ADARB2: variants seen among roughly 807,000 people sequenced by gnomAD.
ADARB2 encodes adenosine deaminase RNA specific B2 (inactive).
Under a neutral mutation model 62.2 loss-of-function variants are expected in ADARB2, and 25 were observed. The ratio of observed to expected loss-of-function variants is 0.40; its 90% CI spans 0.29 to 0.56. The LOEUF is 0.56. Among genes scored for constraint, ADARB2 ranks in the 20% least tolerant of loss-of-function variants. The pLI, the probability that ADARB2 is intolerant of heterozygous loss-of-function variation, is 0.43. For synonymous variants in ADARB2, 572 were observed against 500.8 expected, an observed-to-expected ratio of 1.14 and a Z score of -1.90; for missense variants, 1,071 against 1,077.4, an observed-to-expected ratio of 0.99 and a Z score of 0.08.
chr10:1,688,857 A>G (rs1834632954), intron 1 of ADARB2, among the ~76,000 whole-genome samples: 1 of 152,216 alleles, frequency 6.6e-6, no homozygotes, highest in South Asian at 2.1e-4. Flanking sequence ...AAGCTGAGAG[A>G]CAGAGAGCTC....
intron 1 of ADARB2, among the ~76,000 whole-genome samples, chr10:1,669,935 AAC>A (rs1227954162): frequency 1.3e-5 from 2 of 150,996 alleles, no homozygotes; most frequent in Non-Finnish European, 3.0e-5. Context: ...CACAGACACA[AAC>A]ACACACAGAC....
intron 1 of ADARB2, among the ~76,000 whole-genome samples, chr10:1,585,882 A>C (rs1833170628): frequency 6.6e-6 from 1 of 152,078 alleles, no homozygotes; most frequent in Admixed American, 6.5e-5. Flanking sequence ...AAAATACAAA[A>C]AACTGGCTGG....
intron 1 of ADARB2, among the ~76,000 whole-genome samples, chr10:1,698,823 T>G (rs966653363): frequency 2.0e-5 from 3 of 152,198 alleles, no homozygotes; most frequent in African/African-American, 7.2e-5. Flanking sequence ...GCAATGGCAT[T>G]ATCTTGGGTC....
chr10:1,579,178 G>A (rs1231700188), intron 1 of ADARB2, among the ~76,000 whole-genome samples: 1 of 152,146 alleles, frequency 6.6e-6, no homozygotes, highest in Non-Finnish European at 1.5e-5. Flanking sequence ...GATGCTCAGC[G>A]GTCACAGACC....
At chr10:1,387,041 G>T (rs1832531159) in intron 1 of ADARB2, among the ~76,000 whole-genome samples, 1 of 151,774 alleles carries the variant, frequency 6.6e-6, no homozygotes, top group South Asian at 2.1e-4. Flanking sequence ...AGAAATCACA[G>T]GAAAATTAAA....
chr10:1,505,868 TGTGA>T (rs1460791322), intron 1 of ADARB2, among the ~76,000 whole-genome samples: 4 of 152,226 alleles, frequency 2.6e-5, no homozygotes, highest in Non-Finnish European at 4.4e-5. Context: ...TCTATTTCTG[TGTGA>T]GTGAGTGCAT....
intron 1 of ADARB2, among the ~76,000 whole-genome samples, chr10:1,649,669 G>A (rs775330189): frequency 1.3e-5 from 2 of 152,318 alleles, no homozygotes; most frequent in African/African-American, 4.8e-5. Context: ...TGCTCCAGTC[G>A]GTGGGATATG....
chr10:1,705,244 G>A (rs967472741), intron 1 of ADARB2, among the ~76,000 whole-genome samples: 1 of 152,220 alleles, frequency 6.6e-6, no homozygotes, highest in Non-Finnish European at 1.5e-5. Flanking sequence ...AGGCGGCTGT[G>A]CTTGGCAGGG....
At chr10:1,476,921 A>G (rs1191852350) in intron 1 of ADARB2, among the ~76,000 whole-genome samples, 1 of 152,184 alleles carries the variant, frequency 6.6e-6, no homozygotes, top group East Asian at 1.9e-4. Flanking sequence ...CATGCTCGGG[A>G]ACACTCCTGG....
intron 1 of ADARB2, among the ~76,000 whole-genome samples, chr10:1,626,402 T>C (rs1366915908): frequency 6.6e-6 from 1 of 151,076 alleles, no homozygotes; most frequent in African/African-American, 2.4e-5. Flanking sequence ...CTCTCCTGCA[T>C]GGACACAGGC....
At chr10:1,503,562 C>A (rs1186483314) in intron 1 of ADARB2, among the ~76,000 whole-genome samples, 1 of 152,044 alleles carries the variant, frequency 6.6e-6, no homozygotes, top group South Asian at 2.1e-4. Context: ...CGATATAGAT[C>A]TTGGTCAGCA....
At chr10:1,279,877 C>T (rs1461030900) in intron 3 of ADARB2, among the ~76,000 whole-genome samples, 1 of 152,154 alleles carries the variant, frequency 6.6e-6, no homozygotes, top group Non-Finnish European at 1.5e-5. Flanking sequence ...GGGCAAATTG[C>T]ACCCCGAGTC....
chr10:1,355,112 T>C (rs1006697241), intron 3 of ADARB2, among the ~76,000 whole-genome samples: 5 of 151,728 alleles, frequency 3.3e-5, no homozygotes, highest in South Asian at 2.1e-4. Flanking sequence ...GCTGCCCACC[T>C]CCTCCCACAC....
At chr10:1,492,973 G>A (rs915340316) in intron 1 of ADARB2, among the ~76,000 whole-genome samples, 25 of 152,202 alleles carry the variant, frequency 1.6e-4, no homozygotes, top group African/African-American at 5.6e-4. Flanking sequence ...AAGGCCACAC[G>A]AAATGCTCCC....
At chr10:1,374,816 T>A (rs1269209868) in intron 2 of ADARB2, among the ~76,000 whole-genome samples, 1 of 152,254 alleles carries the variant, frequency 6.6e-6, no homozygotes, top group Non-Finnish European at 1.5e-5. Flanking sequence ...CGCGCCACGC[T>A]ACATTGGAAG....
intron 3 of ADARB2, among the ~76,000 whole-genome samples, chr10:1,310,382 C>T (rs1013854327): frequency 4.2e-5 from 6 of 142,850 alleles, no homozygotes; most frequent in Non-Finnish European, 9.3e-5. Context: ...TTCATTGACT[C>T]TGAATAACAT....
intron 2 of ADARB2, among the ~76,000 whole-genome samples, chr10:1,377,922 T>A (rs879918342): frequency 6.6e-6 from 1 of 152,146 alleles, no homozygotes; most frequent in Admixed American, 6.5e-5. Context: ...CCCACGCTGA[T>A]GGCAAAGTAC....
intron 1 of ADARB2, among the ~76,000 whole-genome samples, chr10:1,465,801 T>A (rs1435629995): frequency 6.6e-6 from 1 of 151,824 alleles, no homozygotes; most frequent in East Asian, 1.9e-4. Context: ...GCCCGAAGAG[T>A]GGTGTGGGGC....
chr10:1,418,124 G>T (rs190857580), intron 1 of ADARB2, among the ~76,000 whole-genome samples: 1 of 152,202 alleles, frequency 6.6e-6, no homozygotes. Flanking sequence ...GTGGAGGGAC[G>T]TTTCCGTAAA....
Sources: gnomAD v4.1 joint callset for allele counts (sites outside exome capture counted in the v4.1 genomes callset) on GRCh38, gnomAD v4.1.1 for gene constraint, MANE v1.5 for transcripts, NCBI Gene and HGNC (gene_info 2026-07-23, HGNC 2026-07-21) for gene names.